The following HERC2 variants were observed in gnomAD, a reference collection of about 807,000 sequenced individuals.
HERC2 encodes E3 ubiquitin-protein ligase HERC2.
In HERC2, 102 loss-of-function variants were observed where a neutral mutation model predicts 537.7. The ratio of observed to expected loss-of-function variants is 0.19; its 90% CI spans 0.16 to 0.22. The LOEUF (loss-of-function observed/expected upper bound fraction) is 0.22. Ranked by LOEUF, HERC2 falls within the 10% of genes least tolerant of loss-of-function variation. The probability of loss-of-function intolerance (pLI) is 1.00; values close to 1 mark genes in which losing one functional copy is unlikely to be tolerated. For missense variants in HERC2, 4,236 were observed against 6,198.2 expected (o/e 0.68, Z 10.63); for synonymous variants, 2,224 against 2,466.2 (o/e 0.90, Z 2.91).
At chr15:28,289,225 A>G (rs2076244929) in intron 4 of HERC2, among the ~76,000 whole-genome samples, 2 of 152,144 alleles carry the variant, frequency 1.3e-5, no homozygotes, top group Non-Finnish European at 2.9e-5. Flanking sequence ...CACTTTACAC[A>G]TACACAAAGG....
chr15:28,124,725 A>G (rs997616131), intron 84 of HERC2, among the ~76,000 whole-genome samples: 5 of 152,114 alleles, frequency 3.3e-5, no homozygotes, highest in Admixed American at 3.3e-4. Flanking sequence ...ATGCCTGACT[A>G]ATTTTGTAGA....
rs541155643 is a variant in HERC2, at chr15:28,293,787, T to C, written c.188-765A>G. ...TGCTATGCAGAGGCACTGTGACTGA[T>C]AGCATAATTCAAGAGCACTGGGAAA... On this transcript the variant is annotated intron_variant, in intron 3 of 92. Coordinates refer to ENST00000261609, the MANE Select transcript of HERC2 (RefSeq NM_004667.6). 1.5e-4 allele frequency among the ~76,000 whole-genome samples: 23 copies of C among 152,294 alleles called. 1 individual carries two copies. In the South Asian group the frequency reaches 3.5e-3, roughly 23 times the overall value.
chr15:28,205,028 G>A (rs531742375), intron 45 of HERC2, among the ~76,000 whole-genome samples: 54 of 152,138 alleles, frequency 3.5e-4, no homozygotes, highest in Admixed American at 2.1e-3. Flanking sequence ...AGGACGGTGG[G>A]GTGGGCGGGG....
chr15:28,160,389 A>G (rs1339336425), intron 69 of HERC2, among the ~76,000 whole-genome samples: 1 of 152,170 alleles, frequency 6.6e-6, no homozygotes, highest in African/African-American at 2.4e-5. Context: ...ACCCAGTTTC[A>G]GCTTCCGGGC....
chr15:28,296,399 G>A (rs1181220812), intron 3 of HERC2, among the ~76,000 whole-genome samples: 2 of 152,092 alleles, frequency 1.3e-5, no homozygotes, highest in Non-Finnish European at 2.9e-5. Flanking sequence ...CTTGAACCGG[G>A]GAGGCAGTGG....
At chr15:28,279,890 C>T in intron 5 of HERC2, 178 bp downstream of exon 5, 1 of 603,612 alleles carries the variant, frequency 1.7e-6, no homozygotes. Context: ...TCTATTACTA[C>T]ATGAGCAAAT....
chr15:28,111,521 G>T lies in HERC2; in HGVS notation c.*242C>A. On this transcript the variant is annotated 3_prime_UTR_variant, in exon 93 of 93. Coordinates refer to ENST00000261609, the MANE Select transcript of HERC2 (RefSeq NM_004667.6). ...CACTTTAGTAAACACAGTCCTACAT[G>T]TAATGCAGCATTACGGGTGAGAAGA... The T allele has an allele frequency of 1.8e-6, 1 of 565,820 alleles. No homozygotes were observed. The highest frequency in any genetic ancestry group is 3.1e-6 in the Non-Finnish European group (1 of 319,350). 35.0% of individuals were successfully genotyped at this position (565,820 alleles called of 1,614,324 possible).
chr15:28,269,083 C>A (rs1013716683), intron 11 of HERC2, among the ~76,000 whole-genome samples, 165 bp downstream of exon 11: 1 of 152,208 alleles, frequency 6.6e-6, no homozygotes. Flanking sequence ...CAACCCAAAT[C>A]TTGACAATAT....
chr15:28,308,549 C>A (rs188008582), intron 2 of HERC2, among the ~76,000 whole-genome samples: 245 of 152,222 alleles, frequency 1.6e-3, no homozygotes, highest in African/African-American at 5.6e-3. Context: ...ATTTCTTTCT[C>A]TTGTCTGATT....
chr15:28,200,784 A>G (rs1897830830), intron 48 of HERC2, among the ~76,000 whole-genome samples: 1 of 145,338 alleles, frequency 6.9e-6, no homozygotes, highest in Non-Finnish European at 1.5e-5. Flanking sequence ...CAGAAATGTC[A>G]TTATGTTAAG....
rs564477990 is a variant in HERC2, at chr15:28,295,696, C to G, written c.188-2674G>C. On this transcript the variant is annotated intron_variant, in intron 3 of 92. Coordinates refer to ENST00000261609, the MANE Select transcript of HERC2 (RefSeq NM_004667.6). ...TACAGGTGTGAGCCACCACGCCCGG[C>G]CACCGTATTTTATAGTTTTTAATAA... Among the ~76,000 whole-genome samples, 237 of 152,270 alleles carry G rather than the reference C, an allele frequency of 1.6e-3. 2 individuals are homozygous for G. The highest frequency in any genetic ancestry group is 5.2e-3 in the Admixed American group (79 of 15,302).
Position 28,192,006 on chromosome 15 carries a change from A to T in HERC2, c.8406T>A (p.Ile2802=), listed in dbSNP as rs1381416313. The T allele has an allele frequency of 6.2e-7, 1 of 1,613,810 alleles. No individual in the cohort carries two copies. The change falls in exon 53 of 93, where the codon ATT becomes ATA. Residue 2802 remains isoleucine, a synonymous_variant. Coordinates refer to ENST00000261609, the MANE Select transcript of HERC2 (RefSeq NM_004667.6). The part of the protein sequence containing the change: ...SSSVNQASRL[I]DGSEPCWQSS... ...ACTGCCAGCAGGGCTCGCTGCCGTC[A>T]ATGAGACGGGATGCCTGGTTCACGG...
chr15:28,143,789 A>ACAAAT, intron 74 of HERC2, 84 bp downstream of exon 74: 1 of 1,554,138 alleles, frequency 6.4e-7, no homozygotes, highest in Admixed American at 1.8e-5. Flanking sequence ...ACTCCTCTCA[A>ACAAAT]CGATTTAGAG....
At chr15:28,124,415 G>GT (rs1490670773) in intron 84 of HERC2, among the ~76,000 whole-genome samples, 181 bp from the exon 85 acceptor site, 1 of 152,182 alleles carries the variant, frequency 6.6e-6, no homozygotes, top group African/African-American at 2.4e-5. Context: ...CAGTTTGACT[G>GT]TAAAAAAAAT....
chr15:28,229,030 T>A (rs1336583335), intron 34 of HERC2, among the ~76,000 whole-genome samples, 165 bp downstream of exon 34: 1 of 152,234 alleles, frequency 6.6e-6, no homozygotes, highest in African/African-American at 2.4e-5. Context: ...AATTTTGAAG[T>A]TTTGTTTAAA....
Position 28,202,528 on chromosome 15 carries a change from C to T in HERC2, c.7299G>A (p.Glu2433=). ...SPGFEDCSSS[E]ATTPVAVQHI... is the part of the protein sequence containing the mutation. ...GCTGCACGGCGACAGGCGTGGTGGC[C>T]TCACTGGAGCTGCAGTCTTCAAATC... The change falls in exon 46 of 93, where the codon GAG becomes GAA. Residue 2433 remains glutamate (E), a synonymous_variant. Coordinates refer to ENST00000261609, the MANE Select transcript of HERC2 (RefSeq NM_004667.6). 9.5e-7 allele frequency: 1 copy of T among 1,052,090 alleles called. No homozygotes were observed. Among genetic ancestry groups the T allele is most frequent in the Non-Finnish European group, 1.4e-6 (1 of 713,752 alleles). The allele number at this position is 1,052,090 out of a possible 1,614,324, so 65.2% of individuals were successfully genotyped here.
chr15:28,299,953 T>G (rs189588973), intron 2 of HERC2, among the ~76,000 whole-genome samples: 13 of 150,286 alleles, frequency 8.7e-5, no homozygotes, highest in Admixed American at 2.0e-4. Flanking sequence ...CTCACGAAGC[T>G]GAGGCAGGAG....
At chr15:28,313,769 C>T (rs903577009) in intron 2 of HERC2, among the ~76,000 whole-genome samples, 7 of 152,222 alleles carry the variant, frequency 4.6e-5, no homozygotes, top group Middle Eastern at 3.4e-3. Context: ...ACATTAAGTA[C>T]GTCGATTTGA....
chr15:28,171,870 C>G (rs1277733894), intron 65 of HERC2, among the ~76,000 whole-genome samples: 1 of 151,918 alleles, frequency 6.6e-6, no homozygotes, highest in African/African-American at 2.4e-5. Flanking sequence ...GTCAGGAGAT[C>G]GATTCTGTCC....
Sources: allele counts gnomAD v4.1 joint callset (sites outside exome capture counted in the v4.1 genomes callset), GRCh38; gene constraint gnomAD v4.1.1; transcripts MANE v1.5; gene names NCBI Gene and HGNC (gene_info 2026-07-23, HGNC 2026-07-21).